The following LAPTM4B variants were observed in gnomAD, a reference collection of about 807,000 sequenced individuals.
LAPTM4B encodes lysosomal protein transmembrane 4 beta, also known as lysosomal-associated transmembrane protein 4B.
A neutral mutation model predicts 28.5 loss-of-function variants in LAPTM4B; 26 were observed. That is an observed-to-expected ratio of 0.91 (90% CI 0.67 to 1.27). LAPTM4B has a LOEUF of 1.27. Among genes scored for constraint, LAPTM4B ranks in the 50% most tolerant of loss-of-function variants. The pLI is 0.00. For missense variants in LAPTM4B, 288 were observed against 285.8 expected, an observed-to-expected ratio of 1.01 and a Z score of -0.06; for synonymous variants, 109 against 106.4, an observed-to-expected ratio of 1.02 and a Z score of -0.15.
intron 1 of LAPTM4B, among the ~76,000 whole-genome samples, chr8:97,792,175 A>G (rs992225112): frequency 2.0e-5 from 3 of 152,204 alleles, no homozygotes; most frequent in African/African-American, 7.2e-5. Flanking sequence ...GGCCGCCATT[A>G]TAGTCCAACT....
At chr8:97,823,535 C>T (rs950286140) in intron 5 of LAPTM4B, among the ~76,000 whole-genome samples, 3 of 151,376 alleles carry the variant, frequency 2.0e-5, no homozygotes, top group Non-Finnish European at 4.4e-5. Context: ...TCCCAATGCC[C>T]GGCTAATTTT....
chr8:97,776,189 G>T, intron 1 of LAPTM4B, 81 bp downstream of exon 1: 1 of 1,406,668 alleles, frequency 7.1e-7, no homozygotes, highest in Non-Finnish European at 9.3e-7. Flanking sequence ...TCGCGGTGGG[G>T]TGAGGCGTGC....
At chr8:97,779,034 A>C (rs1394694548) in intron 1 of LAPTM4B, among the ~76,000 whole-genome samples, 1 of 152,128 alleles carries the variant, frequency 6.6e-6, no homozygotes, top group Non-Finnish European at 1.5e-5. Context: ...ATCTGGATGG[A>C]ATGGAGTCAA....
rs556753922 is a variant in LAPTM4B at position 97,832,155 on chromosome 8, G to A, written c.603+7002G>A. On this transcript the variant is annotated intron_variant, in intron 6 of 6. Transcript: ENST00000521545. ...AAATGCATCCTACTAGCTTTTTGGA[G>A]AAAACTTCTATTTTTCCCCTTTGAA... 7.0e-4 allele frequency among the ~76,000 whole-genome samples: 106 copies of A among 152,304 alleles called. 1 individual carries two copies. In the South Asian group the frequency reaches 0.021, roughly 30 times the overall value.
At chr8:97,785,512 G>A (rs1472276376) in intron 1 of LAPTM4B, among the ~76,000 whole-genome samples, 1 of 152,152 alleles carries the variant, frequency 6.6e-6, no homozygotes, top group African/African-American at 2.4e-5. Flanking sequence ...AGAAGCTGAG[G>A]CAAAATTAAT....
chr8:97,776,199 C>A, intron 1 of LAPTM4B, 91 bp downstream of exon 1: 2 of 1,300,982 alleles, frequency 1.5e-6, no homozygotes, highest in Non-Finnish European at 2.0e-6. Context: ...GTGAGGCGTG[C>A]GCTCATCCGC....
chr8:97,776,215 G>C lies in LAPTM4B; in HGVS notation c.99+107G>C, dbSNP rs577793496. 1.7e-4 allele frequency: 208 copies of C among 1,247,460 alleles called. 2 individuals carry two copies. In the South Asian group the frequency reaches 3.4e-3, roughly 21 times the overall value. The allele number at this position is 1,247,460 out of a possible 1,614,324, so 77.3% of individuals were successfully genotyped here. A position where few individuals can be genotyped will look rare whatever the true frequency, so the allele number is the denominator to read the frequency against. On this transcript the variant is annotated intron_variant, in intron 1 of 6. Transcript: ENST00000521545. ...TGAGGCGTGCGCTCATCCGCCTAAA[G>C]TTGTATTATTAGAAACTTAATTCTC... is the stretch of plus-strand genomic sequence containing the variant.
chr8:97,835,967 C>G (rs2512065), intron 6 of LAPTM4B, among the ~76,000 whole-genome samples: 11,607 of 152,144 alleles, frequency 0.076, 1,002 homozygotes, highest in East Asian at 0.37. Context: ...AGCACAGACC[C>G]TATTGTGAAC....
intron 4 of LAPTM4B, among the ~76,000 whole-genome samples, chr8:97,818,145 A>G (rs943704720): frequency 3.9e-5 from 6 of 152,216 alleles, no homozygotes; most frequent in Admixed American, 6.5e-5. Context: ...GTAAAGTTGC[A>G]TGATCTGATC....
At chr8:97,796,278 A>G (rs1026552412) in intron 1 of LAPTM4B, among the ~76,000 whole-genome samples, 6 of 152,152 alleles carry the variant, frequency 3.9e-5, no homozygotes, top group African/African-American at 1.4e-4. Context: ...TCATGAGTCT[A>G]ATTTTTATGG....
At chr8:97,787,124 G>A (rs1816415386) in intron 1 of LAPTM4B, among the ~76,000 whole-genome samples, 1 of 152,010 alleles carries the variant, frequency 6.6e-6, no homozygotes, top group African/African-American at 2.4e-5. Context: ...CCATGTTTGT[G>A]TCCTGGCCTG....
intron 6 of LAPTM4B, among the ~76,000 whole-genome samples, chr8:97,839,263 C>T (rs936664): frequency 0.61 from 92,533 of 151,964 alleles, 28,691 homozygotes; most frequent in Non-Finnish European, 0.66. Flanking sequence ...GGCGCGATCT[C>T]GGCTCACTGC....
At chr8:97,803,283 T>G (rs562325570) in intron 1 of LAPTM4B, among the ~76,000 whole-genome samples, 3 of 152,080 alleles carry the variant, frequency 2.0e-5, no homozygotes, top group Non-Finnish European at 4.4e-5. Flanking sequence ...ATGAACTTTT[T>G]TTTTTCTTCC....
At position 97,837,451 on chromosome 8, in the gene LAPTM4B, C is replaced by T. The variant is rs141000543; in HGVS notation, c.603+12298C>T. On this transcript the variant is annotated intron_variant, in intron 6 of 6. Coordinates refer to ENST00000521545, the MANE Select transcript of LAPTM4B (RefSeq NM_018407.6). ...CAGGTGATCCACCTGCCTTGGCCAC[C>T]CGAAGTGCTCCTGCCACTTTTAAAA... is the stretch of plus-strand genomic sequence containing the variant. Among the ~76,000 whole-genome samples the T allele has an allele frequency of 8.0e-3, 1,216 of 151,900 alleles. 16 individuals carry two copies. The highest frequency in any genetic ancestry group is 0.027 in the African/African-American group (1,129 of 41,410).
chr8:97,800,052 C>A (rs187056161), intron 1 of LAPTM4B, among the ~76,000 whole-genome samples: 1 of 152,284 alleles, frequency 6.6e-6, no homozygotes, highest in East Asian at 1.9e-4. Flanking sequence ...TTTCTCGGAG[C>A]TCTTGTCACA....
intron 6 of LAPTM4B, among the ~76,000 whole-genome samples, chr8:97,828,337 C>T (rs1403688605): frequency 2.0e-5 from 3 of 151,854 alleles, no homozygotes; most frequent in African/African-American, 2.4e-5. Flanking sequence ...GTGACATTGT[C>T]GAGTTGTTAA....
At chr8:97,832,276 T>C (rs2513965) in intron 6 of LAPTM4B, among the ~76,000 whole-genome samples, 71,477 of 151,998 alleles carry the variant, frequency 0.47, 17,084 homozygotes, top group East Asian at 0.57. Flanking sequence ...TTCCCACCTC[T>C]TCTAACAGTG....
rs1354726720 is a variant in LAPTM4B, at chr8:97,825,074, GTGTTTGGAACTGCTACCGATACATCAA to G, written c.527_553del (p.Val176_Asn184del). On this transcript the variant is annotated inframe_deletion, in exon 6 of 7. Transcript: ENST00000521545. Reference sequence around the variant, plus strand: ...CATTTTCAGGGTTACTTGATTAGCTGTGTTTGGAACTGCTACCGATACATCAATGGTAGGAACTCCTCTGATGTCCTG... The same window carrying G: ...CATTTTCAGGGTTACTTGATTAGCTGTGGTAGGAACTCCTCTGATGTCCTG... 2.5e-6 allele frequency: 4 copies of G among 1,607,568 alleles called. No individual in the cohort carries two copies. Among genetic ancestry groups the G allele is most frequent in the Non-Finnish European group, 3.4e-6 (4 of 1,174,508 alleles).
chr8:97,794,849 G>A (rs981377240), intron 1 of LAPTM4B, among the ~76,000 whole-genome samples: 1 of 152,144 alleles, frequency 6.6e-6, no homozygotes, highest in African/African-American at 2.4e-5. Context: ...GAGTAGCTGG[G>A]ATTACAGGCA....
Sources: allele counts gnomAD v4.1 joint callset (sites outside exome capture counted in the v4.1 genomes callset), GRCh38; gene constraint gnomAD v4.1.1; transcripts MANE v1.5; gene names NCBI Gene and HGNC (gene_info 2026-07-23, HGNC 2026-07-21).